Variants in PPP1R21 observed in about 807,000 individuals in gnomAD.
PPP1R21 encodes the protein protein phosphatase 1 regulatory subunit 21.
In PPP1R21, 85 loss-of-function variants were observed where a neutral mutation model predicts 112.8. The observed-to-expected ratio is 0.75, with a 90% CI of 0.63 to 0.90. The LOEUF is 0.90. PPP1R21 is among the 40% of genes least tolerant of loss of function. PPP1R21 has a pLI of 0.00. For synonymous variants in PPP1R21, 381 were observed against 322.3 expected, an observed-to-expected ratio of 1.18 and a Z score of -1.95; for missense variants, 1,199 against 901.5, an observed-to-expected ratio of 1.33 and a Z score of -4.23.
At chr2:48,484,594 G>A (rs1487251855) in intron 13 of PPP1R21, among the ~76,000 whole-genome samples, 1 of 147,520 alleles carries the variant, frequency 6.8e-6, no homozygotes, top group Non-Finnish European at 1.5e-5. Flanking sequence ...TTGGCTCACT[G>A]CAACCTCCCA....
chr2:48,461,191 C>G lies in PPP1R21; in HGVS notation c.653C>G (p.Ser218Cys). The G allele has an allele frequency of 6.3e-7, 1 of 1,577,404 alleles. No homozygotes were observed. The highest frequency in any genetic ancestry group is 8.6e-7 in the Non-Finnish European group (1 of 1,168,376). ...GATTTGTCAGGTAGATTAGAGGAATCCTTATCAATCATCAATGAAAAAGTA... is the reference window on the plus strand; with the variant it reads ...GATTTGTCAGGTAGATTAGAGGAATGCTTATCAATCATCAATGAAAAAGTA... ...HEDLSGRLEE[S>C]LSIINEKVPF... Residue 218 changes from serine to cysteine, a missense_variant, in exon 7 of 22, where the codon TCC becomes TGC. By Grantham distance (112) the Ser-to-Cys change is moderately radical. Coordinates refer to ENST00000294952, the MANE Select transcript of PPP1R21 (RefSeq NM_001135629.3).
At chr2:48,497,334 C>T (rs139150020) in intron 16 of PPP1R21, among the ~76,000 whole-genome samples, 90 of 152,242 alleles carry the variant, frequency 5.9e-4, no homozygotes, top group African/African-American at 2.0e-3. Context: ...AGAGGAAAAA[C>T]GATTTGAGAG....
chr2:48,454,702 T>G lies in PPP1R21; in HGVS notation c.234T>G (p.Asp78Glu). The G allele has an allele frequency of 6.2e-7, 1 of 1,614,112 alleles. No individual in the cohort carries two copies. The highest frequency in any genetic ancestry group is 2.2e-5 in the East Asian group (1 of 44,888). Residue 78 changes from aspartate to glutamate, a missense_variant, in exon 3 of 22, where the codon GAT becomes GAG. By Grantham distance (45) the Asp-to-Glu change is conservative (BLOSUM62 2). Coordinates refer to ENST00000294952, the MANE Select transcript of PPP1R21 (RefSeq NM_001135629.3). ...QLAKRVELLQDELALSEPRGK... is the reference protein window; with the variant it reads ...QLAKRVELLQEELALSEPRGK... ...CCAAGAGGGTAGAACTACTTCAAGA[T>G]GAACTAGCTCTAAGTGAACCACGAG...
chr2:48,454,991 C>A (rs1213813391), intron 3 of PPP1R21, among the ~76,000 whole-genome samples: 6 of 152,048 alleles, frequency 3.9e-5, no homozygotes, highest in Non-Finnish European at 7.4e-5. Flanking sequence ...GTGTGCACAA[C>A]CATGCCTGGC....
chr2:48,490,381 A>G (rs973621148), intron 14 of PPP1R21, among the ~76,000 whole-genome samples: 2 of 152,212 alleles, frequency 1.3e-5, no homozygotes, highest in East Asian at 1.9e-4. Flanking sequence ...TTGTTGAGAT[A>G]CAAAACCACA....
At chr2:48,464,047 A>T (rs1424227597) in intron 7 of PPP1R21, among the ~76,000 whole-genome samples, 1 of 152,188 alleles carries the variant, frequency 6.6e-6, no homozygotes, top group Non-Finnish European at 1.5e-5. Context: ...GGAGTTAGGC[A>T]GAGTAAATTG....
chr2:48,514,588 C>T (rs575110656), intron 21 of PPP1R21, 127 bp from the exon 22 acceptor site: 1 of 720,834 alleles, frequency 1.4e-6, no homozygotes, highest in South Asian at 1.5e-5. Flanking sequence ...AGGTTATCAG[C>T]TATTCTCCTT....
chr2:48,507,476 A>G lies in PPP1R21; in HGVS notation c.2085+91A>G, dbSNP rs185874088. The G allele has an allele frequency of 5.9e-6, 9 of 1,518,432 alleles. No homozygotes were observed. In the East Asian group the frequency reaches 2.3e-4, roughly 38 times the overall value. The allele number at this position is 1,518,432 out of a possible 1,614,324, so 94.1% of individuals were successfully genotyped here. A position where few individuals can be genotyped will look rare whatever the true frequency, so the allele number is the denominator to read the frequency against. On this transcript the variant is annotated intron_variant, in intron 19 of 21. Coordinates refer to ENST00000294952, the MANE Select transcript of PPP1R21 (RefSeq NM_001135629.3). ...CTGTTTTCATGCTGTTCACTGTAAG[A>G]GAGAAGTCAGTGTCCCAAGTAGCTG... is the stretch of plus-strand genomic sequence containing the variant.
intron 21 of PPP1R21, among the ~76,000 whole-genome samples, chr2:48,514,422 T>C (rs1418470286): frequency 6.6e-6 from 1 of 152,160 alleles, no homozygotes; most frequent in Non-Finnish European, 1.5e-5. Flanking sequence ...TGGAACAAAA[T>C]GAATGTTTGT....
intron 21 of PPP1R21, among the ~76,000 whole-genome samples, chr2:48,512,463 T>A (rs138054317): frequency 8.1e-5 from 12 of 147,792 alleles, no homozygotes; most frequent in Middle Eastern, 3.4e-3. Context: ...GATCTGCTGC[T>A]GCCCCTTTGT....
chr2:48,498,850 A>G, intron 17 of PPP1R21, 115 bp downstream of exon 17: 4 of 1,053,802 alleles, frequency 3.8e-6, no homozygotes, highest in South Asian at 1.5e-5. Context: ...TCAAAATACC[A>G]TAAGCTGAGC....
chr2:48,515,246 C>CTCTCTCTT lies in PPP1R21; in HGVS notation c.*503_*504insCTCTCTTT, dbSNP rs754737154. 8.2e-5 allele frequency: 12 copies of CTCTCTCTT among 145,486 alleles called. No individual in the cohort carries two copies. Among genetic ancestry groups the CTCTCTCTT allele is most frequent in the African/African-American group, 3.1e-4 (12 of 39,134 alleles). 9.0% of individuals were successfully genotyped at this position (145,486 alleles called of 1,614,324 possible). On this transcript the variant is annotated 3_prime_UTR_variant, in exon 22 of 22. Coordinates refer to ENST00000294952, the MANE Select transcript of PPP1R21 (RefSeq NM_001135629.3). The stretch of plus-strand genomic sequence containing the variant: ...TCTCTCTCTCTCTCTCTCTCTCTCT[C>CTCTCTCTT]TTCTTTCTCTCTGAGGGAGAGGGAG...
Position 48,450,957 on chromosome 2 carries a change from A to G in PPP1R21, c.58-51A>G, listed in dbSNP as rs190636040. 2.3e-3 allele frequency: 3,364 copies of G among 1,480,940 alleles called. 5 individuals carry two copies. Among genetic ancestry groups the G allele is most frequent in the Non-Finnish European group, 2.8e-3 (2,978 of 1,059,120 alleles). The allele number at this position is 1,480,940 out of a possible 1,614,324, so 91.7% of individuals were successfully genotyped here. A position where few individuals can be genotyped will look rare whatever the true frequency, so the allele number is the denominator to read the frequency against. ...GTAAAATTGATGTGATTTCCTTGAT[A>G]TAACCAATTGCTTTATATTAGAAAT... On this transcript the variant is annotated intron_variant, in intron 1 of 21. Coordinates refer to ENST00000294952, the MANE Select transcript of PPP1R21 (RefSeq NM_001135629.3).
At position 48,505,551 on chromosome 2, in the gene PPP1R21, C is replaced by T. The variant is rs748921636; in HGVS notation, c.1936-13C>T. On this transcript the variant is annotated splice_polypyrimidine_tract_variant and intron_variant, in intron 17 of 21. Coordinates refer to ENST00000294952, the MANE Select transcript of PPP1R21 (RefSeq NM_001135629.3). ...ACATTCTGTTCTAAAAGATTTTTCCCCTTATGTTCTAGATTGGGACTTTAA... is the reference window on the plus strand; with the variant it reads ...ACATTCTGTTCTAAAAGATTTTTCCTCTTATGTTCTAGATTGGGACTTTAA... 12 of 1,543,770 alleles carry T rather than the reference C, an allele frequency of 7.8e-6. No homozygotes were observed. The South Asian group carries it at 1.1e-4, about 14-fold the overall frequency.
At chr2:48,467,147 C>T (rs1196633755) in intron 9 of PPP1R21, among the ~76,000 whole-genome samples, 3 of 152,136 alleles carry the variant, frequency 2.0e-5, no homozygotes, top group African/African-American at 4.8e-5. Context: ...GGGAGACACA[C>T]TGCTTATCCA....
chr2:48,505,690 T>A, intron 18 of PPP1R21, 94 bp downstream of exon 18: 1 of 1,106,590 alleles, frequency 9.0e-7, no homozygotes, highest in East Asian at 2.6e-5. Flanking sequence ...GTCTAATTGT[T>A]GTTGTTGTTT....
At chr2:48,485,464 A>G (rs1319674374) in intron 13 of PPP1R21, among the ~76,000 whole-genome samples, 1 of 152,192 alleles carries the variant, frequency 6.6e-6, no homozygotes, top group Non-Finnish European at 1.5e-5. Context: ...CAACTGTACC[A>G]TAGTAATATG....
Position 48,469,535 on chromosome 2 carries a change from T to TATATATATAGAGAGAG in PPP1R21, c.898-1551_898-1550insTATATATAGAGAGAGA, listed in dbSNP as rs1553339307. Among the ~76,000 whole-genome samples, 309 of 73,154 alleles carry TATATATATAGAGAGAG rather than the reference T, an allele frequency of 4.2e-3. 46 individuals carry two copies. Among genetic ancestry groups the TATATATATAGAGAGAG allele is most frequent in the Non-Finnish European group, 4.3e-3 (163 of 37,762 alleles). 48.0% of individuals were successfully genotyped at this position (73,154 alleles called of 152,430 possible). On this transcript the variant is annotated intron_variant, in intron 9 of 21. Transcript: ENST00000294952. ...ATATATATATATATATATATATATA[T>TATATATATAGAGAGAG]AGAGCATATATATATATAGAGAGAG...
intron 17 of PPP1R21, among the ~76,000 whole-genome samples, chr2:48,504,422 C>T (rs1306968850): frequency 6.6e-6 from 1 of 152,130 alleles, no homozygotes; most frequent in African/African-American, 2.4e-5. Context: ...GCAGGCAGAT[C>T]ACGAGGTCAG....
Sources: allele counts gnomAD v4.1 joint callset (sites outside exome capture counted in the v4.1 genomes callset), GRCh38; gene constraint gnomAD v4.1.1; transcripts MANE v1.5; gene names NCBI Gene and HGNC (gene_info 2026-07-23, HGNC 2026-07-21).